The following CASK variants were observed in gnomAD, a reference collection of about 807,000 sequenced individuals.
The protein encoded by CASK is calcium/calmodulin dependent serine protein kinase, also known as peripheral plasma membrane protein CASK.
A neutral mutation model predicts 82.9 loss-of-function variants in CASK; 4 were observed. The ratio of observed to expected loss-of-function variants is 0.05; its 90% CI spans 0.02 to 0.11. The LOEUF is 0.11. Among genes scored for constraint, CASK ranks in the 10% least tolerant of loss-of-function variants. CASK has a pLI of 1.00. For missense variants in CASK, 358 were observed against 720.9 expected (o/e 0.50, Z 5.76); for synonymous variants, 259 against 253.5 (o/e 1.02, Z -0.20).
chrX:41,885,361 C>T (rs895451171), intron 1 of CASK, among the ~76,000 whole-genome samples: 2 of 103,108 alleles, frequency 1.9e-5, no homozygotes, highest in African/African-American at 6.6e-5. Context: ...CTTACAATGT[C>T]GAAAATTTGT....
chrX:41,737,072 G>A (rs1252710513), intron 5 of CASK, among the ~76,000 whole-genome samples: 2 of 112,193 alleles, frequency 1.8e-5, no homozygotes, highest in Non-Finnish European at 3.8e-5. Context: ...CTAATGAAAT[G>A]CATAAGATGT....
intron 1 of CASK, among the ~76,000 whole-genome samples, chrX:41,902,070 G>C (rs2072393137): frequency 9.0e-6 from 1 of 111,440 alleles, no homozygotes; most frequent in Admixed American, 9.5e-5. Context: ...TTTGGAACCT[G>C]AGTCCATGGA....
chrX:41,890,231 T>TGC (rs1367434293), intron 1 of CASK, among the ~76,000 whole-genome samples: 1 of 21,572 alleles, frequency 4.6e-5, no homozygotes, highest in African/African-American at 3.8e-4. Context: ...TGTGTGTGTG[T>TGC]GTGTGTGTAT....
intron 2 of CASK, among the ~76,000 whole-genome samples, chrX:41,807,878 G>A (rs933448265): frequency 1.8e-5 from 2 of 111,233 alleles, no homozygotes; most frequent in East Asian, 2.8e-4. Flanking sequence ...TATTTGAGAC[G>A]GAGTTTCACT....
chrX:41,865,946 G>A (rs746741062), intron 1 of CASK, among the ~76,000 whole-genome samples: 1 of 112,191 alleles, frequency 8.9e-6, no homozygotes, highest in Admixed American at 9.3e-5. Context: ...CTTAAGCCAT[G>A]AGGTGGAGGG....
chrX:41,862,119 C>T (rs1249048555), intron 1 of CASK, among the ~76,000 whole-genome samples: 3 of 109,443 alleles, frequency 2.7e-5, no homozygotes, highest in Non-Finnish European at 5.7e-5. Context: ...CTATGACACA[C>T]GGACATCCTG....
intron 1 of CASK, among the ~76,000 whole-genome samples, chrX:41,900,862 C>T (rs2801154): frequency 0.17 from 17,888 of 104,841 alleles, 1,433 homozygotes; most frequent in Middle Eastern, 0.3. Context: ...TCTCCTGCCT[C>T]AGCCTCCCGA....
intron 2 of CASK, 117 bp downstream of exon 2, chrX:41,852,998 C>A: frequency 1.9e-6 from 1 of 522,909 alleles, no homozygotes; most frequent in Non-Finnish European, 3.5e-6. Flanking sequence ...CCACCCACTT[C>A]CCTCTACATC....
intron 5 of CASK, among the ~76,000 whole-genome samples, chrX:41,718,052 GA>G (rs1221641295): frequency 8.9e-6 from 1 of 112,071 alleles, no homozygotes; most frequent in Non-Finnish European, 1.9e-5. Flanking sequence ...GAGAGGGGCT[GA>G]AGGTTAAGGT....
chrX:41,703,005 T>C (rs1319752533), intron 5 of CASK, among the ~76,000 whole-genome samples: 1 of 111,659 alleles, frequency 9.0e-6, no homozygotes, highest in East Asian at 2.8e-4. Flanking sequence ...TAAAGAACCA[T>C]CAGAAGATGG....
intron 8 of CASK, among the ~76,000 whole-genome samples, chrX:41,650,313 T>G (rs945892040): frequency 1.8e-5 from 2 of 111,729 alleles, no homozygotes; most frequent in African/African-American, 6.5e-5. Context: ...AGCTGGTTAT[T>G]TTGCTCGTTA....
In CASK at chrX:41,534,873, A is replaced by G; in HGVS notation, c.2236+20T>C. 8.6e-7 allele frequency: 1 copy of G among 1,162,552 alleles called. No homozygotes were observed. The highest frequency in any genetic ancestry group is 1.2e-6 in the Non-Finnish European group (1 of 850,689). ...TTTTGAAAGTGAGAATAAGCAACTCACTTACACAATCAAACTTACCTAATA... is the reference window on the plus strand; with the variant it reads ...TTTTGAAAGTGAGAATAAGCAACTCGCTTACACAATCAAACTTACCTAATA... On this transcript the variant is annotated intron_variant, in intron 23 of 26. Coordinates refer to ENST00000378163, the MANE Select transcript of CASK (RefSeq NM_001367721.1).
chrX:41,635,774 G>A (rs1376264832), intron 9 of CASK: 1 of 103,860 alleles, frequency 9.6e-6, no homozygotes, highest in African/African-American at 3.5e-5. Context: ...AGACACCTAG[G>A]AAGAATAAAG....
At chrX:41,788,913 C>T (rs778574036) in intron 2 of CASK, among the ~76,000 whole-genome samples, 1 of 111,384 alleles carries the variant, frequency 9.0e-6, no homozygotes, top group African/African-American at 3.3e-5. Flanking sequence ...GTCACTGTCA[C>T]TTGATGTCCC....
At chrX:41,639,470 AG>A (rs1322606738) in intron 8 of CASK, among the ~76,000 whole-genome samples, 1 of 107,966 alleles carries the variant, frequency 9.3e-6, no homozygotes, top group Non-Finnish European at 1.9e-5. Flanking sequence ...AAGACTAGTT[AG>A]GAGGCTTTTA....
intron 5 of CASK, among the ~76,000 whole-genome samples, chrX:41,726,104 T>C (rs959295242): frequency 1.8e-5 from 2 of 111,665 alleles, no homozygotes; most frequent in Admixed American, 9.5e-5. Context: ...TGAGCCAACA[T>C]ACCCGGTCTA....
At chrX:41,647,296 A>G (rs5964028) in intron 8 of CASK, among the ~76,000 whole-genome samples, 2,857 of 112,480 alleles carry the variant, frequency 0.025, 94 homozygotes, top group African/African-American at 0.087. Flanking sequence ...TTCATAGGAA[A>G]AAGTCAAAGG....
chrX:41,531,223 T>C lies in CASK; in HGVS notation c.2318-14A>G. On this transcript the variant is annotated splice_polypyrimidine_tract_variant and intron_variant, in intron 24 of 26. Coordinates refer to ENST00000378163, the MANE Select transcript of CASK (RefSeq NM_001367721.1). ...GTCTGGTTGTATCTGCAAAGTCGCA[T>C]GGCACAAGAGGTTTAAAAGGCTGAG... is the stretch of plus-strand genomic sequence containing the variant. 8.5e-7 allele frequency: 1 copy of C among 1,180,878 alleles called. No homozygotes were observed. Among genetic ancestry groups the C allele is most frequent in the East Asian group, 3.0e-5 (1 of 33,776 alleles).
intron 2 of CASK, among the ~76,000 whole-genome samples, chrX:41,789,707 T>C (rs1055734211): frequency 1.8e-5 from 2 of 111,542 alleles, no homozygotes; most frequent in Admixed American, 1.9e-4. Context: ...TGTTTATCTC[T>C]AGCTTCCCAT....
Sources: gnomAD v4.1 joint callset for allele counts (sites outside exome capture counted in the v4.1 genomes callset) on GRCh38, gnomAD v4.1.1 for gene constraint, MANE v1.5 for transcripts, NCBI Gene and HGNC (gene_info 2026-07-23, HGNC 2026-07-21) for gene names.